The following PAX5 variants were observed in gnomAD, a reference collection of about 807,000 sequenced individuals.
PAX5 encodes the protein paired box protein Pax-5.
In PAX5, 9 loss-of-function variants were observed where a neutral mutation model predicts 43.7. The observed-to-expected ratio is 0.21, with a 90% CI of 0.12 to 0.36. The LOEUF is 0.36. PAX5 is among the 10% of genes least tolerant of loss of function. The probability of loss-of-function intolerance (pLI) is 1.00; values close to 1 mark genes in which losing one functional copy is unlikely to be tolerated. For missense variants in PAX5, 383 were observed against 532.7 expected (o/e 0.72, Z 2.77); for synonymous variants, 228 against 214.3 (o/e 1.06, Z -0.56).
chr9:36,948,949 C>T (rs999607065), intron 6 of PAX5, among the ~76,000 whole-genome samples: 1 of 152,176 alleles, frequency 6.6e-6, no homozygotes, highest in Non-Finnish European at 1.5e-5. Context: ...ATAATAATAA[C>T]AATGATAATA....
intron 5 of PAX5, among the ~76,000 whole-genome samples, chr9:36,967,507 AAAAGG>A (rs1834547735): frequency 6.6e-6 from 1 of 152,250 alleles, no homozygotes; most frequent in Non-Finnish European, 1.5e-5. Flanking sequence ...GCAGCAGCTG[AAAAGG>A]AATGAGGCTT....
rs529583309 is a variant in PAX5, at chr9:36,882,913, G to A, written c.911-808C>T. On this transcript the variant is annotated intron_variant, in intron 7 of 9. Coordinates refer to ENST00000358127, the MANE Select transcript of PAX5 (RefSeq NM_016734.3). The surrounding 1 kb of genome is among the most constrained non-coding windows in gnomAD (Gnocchi z 4.4). ...CACCATCACTGATTGGCTCCATCAC[G>A]CAGAGGAAAATTCAATTGCACAGTT... Among the ~76,000 whole-genome samples the A allele has an allele frequency of 2.0e-5, 3 of 152,364 alleles. No homozygotes were observed. Among genetic ancestry groups the A allele is most frequent in the Admixed American group, 6.5e-5 (1 of 15,310 alleles).
intron 8 of PAX5, among the ~76,000 whole-genome samples, chr9:36,878,469 G>T (rs1826119510): frequency 6.6e-6 from 1 of 152,226 alleles, no homozygotes; most frequent in South Asian, 2.1e-4. Flanking sequence ...TTCTGAGCAG[G>T]TGAGGTTTGC....
intron 6 of PAX5, among the ~76,000 whole-genome samples, chr9:36,956,098 T>C (rs1833454912): frequency 6.6e-6 from 1 of 152,188 alleles, no homozygotes; most frequent in Non-Finnish European, 1.5e-5. Context: ...TAGCCTTGTT[T>C]GAGGGGAAAT....
intron 4 of PAX5, among the ~76,000 whole-genome samples, chr9:37,005,181 C>G (rs1838287582): frequency 6.6e-6 from 1 of 152,218 alleles, no homozygotes; most frequent in Admixed American, 6.5e-5. Context: ...CCTAGCCCAG[C>G]AGAGCTGGTG....
intron 2 of PAX5, among the ~76,000 whole-genome samples, chr9:37,018,959 A>G (rs1839628405): frequency 6.6e-6 from 1 of 152,162 alleles, no homozygotes; most frequent in Non-Finnish European, 1.5e-5. Context: ...CTGGGATTTC[A>G]AACAGCGAGC....
At chr9:37,029,890 G>A (rs1008830803) in intron 1 of PAX5, among the ~76,000 whole-genome samples, 12 of 152,232 alleles carry the variant, frequency 7.9e-5, no homozygotes, top group African/African-American at 2.7e-4. Flanking sequence ...CACACAGCAA[G>A]TCTGGGGTAG....
chr9:36,933,271 A>G (rs7035586), intron 6 of PAX5, among the ~76,000 whole-genome samples: 125,464 of 152,146 alleles, frequency 0.82, 52,264 homozygotes, highest in East Asian at 0.92. Flanking sequence ...AATACCTGTG[A>G]AATAACGAGA....
Position 36,840,227 on chromosome 9 carries a change from T to G in PAX5, c.*333A>C. 1 of 489,568 alleles carries G rather than the reference T, an allele frequency of 2.0e-6. No homozygotes were observed. 30.3% of individuals were successfully genotyped at this position (489,568 alleles called of 1,614,324 possible). A position where few individuals can be genotyped will look rare whatever the true frequency, so the allele number is the denominator to read the frequency against. ...AGCTCTCCTTCCCAGGCTGGGGTGG[T>G]TATGATGGATGGATAGTCAGACAGC... On this transcript the variant is annotated 3_prime_UTR_variant, in exon 10 of 10. Coordinates refer to ENST00000358127, the MANE Select transcript of PAX5 (RefSeq NM_016734.3).
intron 8 of PAX5, among the ~76,000 whole-genome samples, chr9:36,870,911 G>T (rs1430410367): frequency 6.6e-6 from 1 of 152,238 alleles, no homozygotes; most frequent in South Asian, 2.1e-4. Flanking sequence ...TCTGAGCCCT[G>T]GACACTCCTG....
intron 6 of PAX5, among the ~76,000 whole-genome samples, chr9:36,955,008 A>G (rs912468285): frequency 2.6e-5 from 4 of 151,866 alleles, no homozygotes; most frequent in East Asian, 1.9e-4. Context: ...TATTTAATCC[A>G]TCAGTTGAAT....
At chr9:36,923,537 C>T (rs1830355333) in intron 6 of PAX5, 53 bp from the exon 7 acceptor site, 1 of 1,561,294 alleles carries the variant, frequency 6.4e-7, no homozygotes, top group Admixed American at 1.7e-5. Context: ...GTACCTTAGT[C>T]AAATGCCAAC....
chr9:36,846,916 G>A lies in PAX5; in HGVS notation c.1026C>T (p.Ser342=), dbSNP rs767690925. The A allele has an allele frequency of 3.8e-5, 62 of 1,613,002 alleles. No homozygotes were observed. The highest frequency in any genetic ancestry group is 8.3e-5 in the Admixed American group (5 of 59,998). The change falls in exon 9 of 10, where the codon TCC becomes TCT. Residue 342 remains serine (S), a synonymous_variant. Transcript: ENST00000358127. ...LTGMVPGSEF[S]GSPYSHPQYS... is the part of the protein sequence containing the mutation. ...ACTGAGGGTGGCTGTAGGGACTCCC[G>A]GAAAACTCACTCCCTGTGTATGGTG...
At chr9:36,978,491 C>T (rs542397355) in intron 5 of PAX5, among the ~76,000 whole-genome samples, 2 of 146,988 alleles carry the variant, frequency 1.4e-5, no homozygotes, top group South Asian at 4.5e-4. Flanking sequence ...CTCTCCCATC[C>T]CCCACTGCAC....
At chr9:36,964,936 T>A (rs1171968934) in intron 6 of PAX5, among the ~76,000 whole-genome samples, 1 of 152,026 alleles carries the variant, frequency 6.6e-6, no homozygotes, top group Non-Finnish European at 1.5e-5. Context: ...CCCAGCATCA[T>A]CGCCCGCCCA....
intron 1 of PAX5, among the ~76,000 whole-genome samples, chr9:37,025,724 G>T (rs866661651): frequency 3.9e-5 from 6 of 152,328 alleles, no homozygotes; most frequent in Middle Eastern, 6.8e-3. Context: ...CAGCCAGGCC[G>T]GCCTTGCCCT....
At chr9:37,006,967 ATCT>A (rs1838455764) in intron 3 of PAX5, among the ~76,000 whole-genome samples, 1 of 152,098 alleles carries the variant, frequency 6.6e-6, no homozygotes, top group Non-Finnish European at 1.5e-5. Flanking sequence ...GAACTTGGTA[ATCT>A]CTCTGTCCTC....
At chr9:36,879,700 C>T (rs916907739) in intron 8 of PAX5, among the ~76,000 whole-genome samples, 1 of 152,228 alleles carries the variant, frequency 6.6e-6, no homozygotes, top group Non-Finnish European at 1.5e-5. Flanking sequence ...CTCTCCTAAC[C>T]CTGCCCCCCT....
At position 37,034,098 on chromosome 9, in the gene PAX5, C is replaced by CTTTTTTTTTTTTTTTTT. The variant is rs576653546; in HGVS notation, c.-84_-68dup. On this transcript the variant is annotated 5_prime_UTR_variant, in exon 1 of 10. Coordinates refer to ENST00000358127, the MANE Select transcript of PAX5 (RefSeq NM_016734.3). ...TCCACTTTTTTGTGCCTTTTTTTTTCTTTTTTTTTTTTTTTTTTTTTTTTT... is the reference window on the plus strand; with the variant it reads ...TCCACTTTTTTGTGCCTTTTTTTTTCTTTTTTTTTTTTTTTTTTTTTTTTTTTTTTTTTTTTTTTTTT... 3.2e-4 allele frequency: 104 copies of CTTTTTTTTTTTTTTTTT among 320,074 alleles called. 7 individuals are homozygous for CTTTTTTTTTTTTTTTTT. Among genetic ancestry groups the CTTTTTTTTTTTTTTTTT allele is most frequent in the South Asian group, 1.8e-3 (62 of 33,888 alleles). 19.8% of individuals were successfully genotyped at this position (320,074 alleles called of 1,614,324 possible).
Sources: gnomAD v4.1 joint callset for allele counts (sites outside exome capture counted in the v4.1 genomes callset) on GRCh38, gnomAD v4.1.1 for gene constraint, Gnocchi (gnomAD v3.1) non-coding constraint, MANE v1.5 for transcripts, NCBI Gene and HGNC (gene_info 2026-07-23, HGNC 2026-07-21) for gene names.